The following DMD variants were observed in gnomAD, a reference collection of about 807,000 sequenced individuals.
DMD encodes the protein dystrophin.
A neutral mutation model predicts 330.1 loss-of-function variants in DMD; 63 were observed. The observed-to-expected ratio is 0.19, with a 90% CI of 0.16 to 0.24. The LOEUF (loss-of-function observed/expected upper bound fraction) is 0.24. DMD is among the 10% of genes least tolerant of loss of function. The pLI, the probability that DMD is intolerant of heterozygous loss-of-function variation, is 1.00. For missense variants in DMD, 3,344 were observed against 2,684.1 expected (o/e 1.25, Z -5.43); for synonymous variants, 1,223 against 959.8 (o/e 1.27, Z -5.07).
chrX:31,421,900 T>TACAC (rs201760249), intron 60 of DMD, among the ~76,000 whole-genome samples: 2 of 85,184 alleles, frequency 2.3e-5, no homozygotes, highest in African/African-American at 5.0e-5. Context: ...TATATATATA[T>TACAC]ACACACACAC....
In DMD at chrX:32,401,873, G is replaced by A. The variant is rs143517475; in HGVS notation, c.4233+9879C>T. Among the ~76,000 whole-genome samples, 67 of 111,946 alleles carry A rather than the reference G, an allele frequency of 6.0e-4. No individual in the cohort carries two copies. The East Asian group carries it at 0.017, about 28-fold the overall frequency. On this transcript the variant is annotated intron_variant, in intron 30 of 78. Transcript: ENST00000357033. ...TACAAACATTGAAAATAGAAATAAC[G>A]TATTTTCAAGTAATTATGGTTACTT...
At chrX:32,880,683 G>A (rs2083850165) in intron 2 of DMD, among the ~76,000 whole-genome samples, 2 of 112,682 alleles carry the variant, frequency 1.8e-5, no homozygotes, top group South Asian at 3.6e-4. Context: ...AGTGGCTCAC[G>A]CCTGTAATCC....
chrX:31,363,168 A>G (rs1378513337), intron 60 of DMD, among the ~76,000 whole-genome samples: 1 of 111,737 alleles, frequency 8.9e-6, no homozygotes, highest in Non-Finnish European at 1.9e-5. Context: ...CGTTAATTCA[A>G]GTTAATATTT....
intron 1 of DMD, among the ~76,000 whole-genome samples, chrX:33,121,390 C>A (rs1316760742): frequency 9.1e-6 from 1 of 110,375 alleles, no homozygotes; most frequent in Non-Finnish European, 1.9e-5. Flanking sequence ...GCCACCATGT[C>A]TGGTTAATTT....
chrX:32,370,523 G>T (rs1464647039), intron 34 of DMD, among the ~76,000 whole-genome samples: 10 of 110,984 alleles, frequency 9.0e-5, no homozygotes, highest in Non-Finnish European at 5.7e-5. Flanking sequence ...AGAATGAACT[G>T]AACAGAAATA....
At chrX:32,326,545 T>C (rs760400802) in intron 41 of DMD, among the ~76,000 whole-genome samples, 1 of 112,810 alleles carries the variant, frequency 8.9e-6, no homozygotes, top group South Asian at 3.6e-4. Flanking sequence ...CAGTGGTATG[T>C]GATTTAGGAA....
chrX:32,346,513 A>T (rs988789078), intron 38 of DMD, among the ~76,000 whole-genome samples: 1 of 111,743 alleles, frequency 8.9e-6, no homozygotes, highest in African/African-American at 3.2e-5. Flanking sequence ...AAATCTGAAA[A>T]TATTAACACA....
intron 7 of DMD, among the ~76,000 whole-genome samples, chrX:32,804,346 C>A (rs1189086197): frequency 4.5e-5 from 5 of 112,278 alleles, no homozygotes; most frequent in Admixed American, 9.4e-5. Context: ...ACAGTGTAAA[C>A]AAAGTCGCTG....
chrX:32,775,492 C>T (rs2074049150), intron 7 of DMD, among the ~76,000 whole-genome samples: 1 of 113,341 alleles, frequency 8.8e-6, no homozygotes, highest in Non-Finnish European at 1.9e-5. Flanking sequence ...TCCCAAACCT[C>T]ATTTCTTGCC....
At chrX:32,506,107 T>C (rs1433114829) in intron 18 of DMD, among the ~76,000 whole-genome samples, 4 of 112,090 alleles carry the variant, frequency 3.6e-5, no homozygotes, top group African/African-American at 1.3e-4. Flanking sequence ...ATACATGTCA[T>C]TGTAAATTTG....
At chrX:32,298,862 A>C (rs2097508966) in intron 42 of DMD, among the ~76,000 whole-genome samples, 1 of 110,833 alleles carries the variant, frequency 9.0e-6, no homozygotes, top group Non-Finnish European at 1.9e-5. Flanking sequence ...ATTCTGCTTA[A>C]GGCTACATCA....
At chrX:32,438,610 G>A (rs1410190232) in intron 28 of DMD, among the ~76,000 whole-genome samples, 1 of 111,554 alleles carries the variant, frequency 9.0e-6, no homozygotes, top group African/African-American at 3.3e-5. Context: ...GTTGCGGACT[G>A]AGAACTTAAA....
chrX:32,032,205 GATA>G (rs2095890475), intron 44 of DMD, among the ~76,000 whole-genome samples: 3 of 111,286 alleles, frequency 2.7e-5, no homozygotes, highest in Non-Finnish European at 3.8e-5. Flanking sequence ...CTTCATAAGT[GATA>G]TGATTTTAGA....
At chrX:33,310,483 A>G (rs1220281138) in intron 1 of DMD, among the ~76,000 whole-genome samples, 1 of 111,554 alleles carries the variant, frequency 9.0e-6, no homozygotes, top group Non-Finnish European at 1.9e-5. Context: ...AAAGAACACA[A>G]AAGGTCTATA....
intron 45 of DMD, among the ~76,000 whole-genome samples, chrX:31,960,000 C>G (rs762065659): frequency 9.2e-6 from 1 of 109,218 alleles, no homozygotes; most frequent in East Asian, 2.9e-4. Context: ...CTCAGGTGAT[C>G]CACCCATCTC....
At chrX:31,766,062 G>C (rs1260343771) in intron 51 of DMD, among the ~76,000 whole-genome samples, 2 of 110,613 alleles carry the variant, frequency 1.8e-5, no homozygotes, top group African/African-American at 3.3e-5. Context: ...AAGCCTAAAA[G>C]GCAGGTCCTA....
At chrX:32,832,532 T>C (rs2079236642) in intron 4 of DMD, among the ~76,000 whole-genome samples, 1 of 110,421 alleles carries the variant, frequency 9.1e-6, no homozygotes, top group Non-Finnish European at 1.9e-5. Context: ...GTTAAATGTC[T>C]TTTATAAGAT....
In DMD at chrX:32,011,558, G is replaced by A. The variant is rs1010633430; in HGVS notation, c.6439-43044C>T. The stretch of plus-strand genomic sequence containing the variant: ...ATTCAGGGTATTTCTCCTTCTCTCT[G>A]CTCTGGAAGGTATTTTGTGGCTTAT... On this transcript the variant is annotated intron_variant, in intron 44 of 78. Coordinates refer to ENST00000357033, the MANE Select transcript of DMD (RefSeq NM_004006.3). Among the ~76,000 whole-genome samples the A allele has an allele frequency of 5.4e-5, 6 of 111,772 alleles. No homozygotes were observed. In the East Asian group the frequency reaches 8.5e-4, roughly 16 times the overall value.
At chrX:32,352,395 T>A (rs2097784805) in intron 37 of DMD, among the ~76,000 whole-genome samples, 1 of 110,995 alleles carries the variant, frequency 9.0e-6, no homozygotes, top group Non-Finnish European at 1.9e-5. Context: ...ACAGATAAAA[T>A]TAATTTTACT....
Sources: allele counts gnomAD v4.1 joint callset (sites outside exome capture counted in the v4.1 genomes callset), GRCh38; gene constraint gnomAD v4.1.1; transcripts MANE v1.5; gene names NCBI Gene and HGNC (gene_info 2026-07-23, HGNC 2026-07-21).